SAXO4: variants seen among roughly 807,000 people sequenced by gnomAD.
The protein encoded by SAXO4 is protein phosphatase 1 regulatory subunit 32.
chr11:61,484,757 G>A, the SAXO4 span: 1 of 1,612,938 alleles, frequency 6.2e-7, no homozygotes, highest in African/African-American at 1.3e-5. Flanking sequence ...GCCCAGGGAA[G>A]TGCCTCTGCT....
the SAXO4 span, chr11:61,484,747 G>A: frequency 6.2e-7 from 1 of 1,613,342 alleles, no homozygotes; most frequent in African/African-American, 1.3e-5. Context: ...CGGGGCTGGA[G>A]CCCAGGGAAG....
At chr11:61,486,336 A>C in the SAXO4 span, 21,622 of 1,612,936 alleles carry the variant, frequency 0.013, 657 homozygotes, top group African/African-American at 0.12. Flanking sequence ...CTGTGGGCCT[A>C]TTTCCAGGCC....
chr11:61,483,883 G>A, the SAXO4 span, among the ~76,000 whole-genome samples: 5 of 152,072 alleles, frequency 3.3e-5, no homozygotes, highest in Admixed American at 6.5e-5. Context: ...GCTTGAACTC[G>A]GGAGGCGGAG....
the SAXO4 span, chr11:61,485,543 C>T: frequency 3.5e-5 from 29 of 819,810 alleles, no homozygotes; most frequent in Middle Eastern, 2.3e-4. Context: ...TGGAGGGAAG[C>T]GCCTCTCCCG....
At chr11:61,483,445 C>T in the SAXO4 span, among the ~76,000 whole-genome samples, 1 of 152,008 alleles carries the variant, frequency 6.6e-6, no homozygotes, top group Non-Finnish European at 1.5e-5. Context: ...GGATTACAGG[C>T]GTGAGCCACT....
the SAXO4 span, among the ~76,000 whole-genome samples, chr11:61,485,150 CTG>C: frequency 6.6e-6 from 1 of 152,158 alleles, no homozygotes; most frequent in South Asian, 2.1e-4. Flanking sequence ...CACAGGGGAA[CTG>C]TGCTTTGTGC....
At chr11:61,490,578 G>GC in the SAXO4 span, 1 of 1,613,234 alleles carries the variant, frequency 6.2e-7, no homozygotes, top group Non-Finnish European at 8.5e-7. Context: ...TGAGCCCTGA[G>GC]CCCTTGGTAA....
chr11:61,484,200 G>A, the SAXO4 span, among the ~76,000 whole-genome samples: 1 of 152,228 alleles, frequency 6.6e-6, no homozygotes, highest in Non-Finnish European at 1.5e-5. Context: ...CTGAGATCAT[G>A]CCACTGCACT....
the SAXO4 span, chr11:61,485,495 G>A: frequency 8.9e-7 from 1 of 1,123,574 alleles, no homozygotes; most frequent in Non-Finnish European, 1.3e-6. Context: ...CTAGGACTGA[G>A]AAGGCACCAG....
At chr11:61,482,241 G>A in the SAXO4 span, 77 of 1,412,206 alleles carry the variant, frequency 5.5e-5, no homozygotes, top group Middle Eastern at 1.8e-4. Context: ...CTCGGAGGAC[G>A]CTGGCCCTGC....
the SAXO4 span, chr11:61,490,773 G>A: frequency 4.9e-6 from 3 of 607,330 alleles, no homozygotes; most frequent in South Asian, 5.8e-5. Context: ...AACCACCCCA[G>A]AGCCCCTTGC....
the SAXO4 span, chr11:61,490,404 C>A: frequency 1.8e-6 from 2 of 1,124,104 alleles, no homozygotes; most frequent in Non-Finnish European, 2.7e-6. Context: ...TGAACCCTGG[C>A]TATGCTCTCT....
At chr11:61,485,455 A>G in the SAXO4 span, 1 of 1,511,138 alleles carries the variant, frequency 6.6e-7, no homozygotes, top group Non-Finnish European at 9.1e-7. Context: ...CCACCTCCCT[A>G]CTTGCTACCC....
the SAXO4 span, chr11:61,486,654 G>T: frequency 6.4e-7 from 1 of 1,571,770 alleles, no homozygotes; most frequent in Non-Finnish European, 8.7e-7. Flanking sequence ...AGAAGACAGG[G>T]AGGTTTCTGG....
At chr11:61,482,841 C>A in the SAXO4 span, 1 of 1,562,856 alleles carries the variant, frequency 6.4e-7, no homozygotes, top group Non-Finnish European at 8.6e-7. Context: ...GAGAGGGAAG[C>A]CTCAGGGTGG....
the SAXO4 span, chr11:61,486,944 G>A: frequency 6.2e-7 from 1 of 1,613,402 alleles, no homozygotes; most frequent in Non-Finnish European, 8.5e-7. Context: ...TCTGTGCCCT[G>A]CAGGTGCCCC....
chr11:61,485,462 A>G, the SAXO4 span: 1 of 1,474,606 alleles, frequency 6.8e-7, no homozygotes, highest in East Asian at 2.3e-5. Context: ...CCTACTTGCT[A>G]CCCCAGGGGC....
the SAXO4 span, among the ~76,000 whole-genome samples, chr11:61,483,963 T>TG: frequency 6.7e-6 from 1 of 150,308 alleles, no homozygotes; most frequent in African/African-American, 2.5e-5. Flanking sequence ...AAGCCAGGCG[T>TG]GGTGGCTCAC....
At chr11:61,490,556 G>C in the SAXO4 span, 1 of 1,614,078 alleles carries the variant, frequency 6.2e-7, no homozygotes, top group Non-Finnish European at 8.5e-7. Flanking sequence ...CAGCCGCTGC[G>C]TGGCACACAG....
Sources: allele counts gnomAD v4.1 joint callset (sites outside exome capture counted in the v4.1 genomes callset), GRCh38; gene constraint gnomAD v4.1.1; transcripts MANE v1.5; gene names NCBI Gene and HGNC (gene_info 2026-07-23, HGNC 2026-07-21).